ANKRD13C: variants seen among roughly 807,000 people sequenced by gnomAD.
ANKRD13C encodes the protein ankyrin repeat domain 13C.
In ANKRD13C, 16 loss-of-function variants were observed where a neutral mutation model predicts 65.5. The observed-to-expected ratio is 0.24, with a 90% CI of 0.17 to 0.37. The LOEUF is 0.37. Ranked by LOEUF, ANKRD13C falls within the 10% of genes least tolerant of loss-of-function variation. The pLI is 1.00. For missense variants in ANKRD13C, 503 were observed against 655.9 expected (o/e 0.77, Z 2.55); for synonymous variants, 235 against 238.7 (o/e 0.98, Z 0.14).
intron 7 of ANKRD13C, among the ~76,000 whole-genome samples, chr1:70,300,291 T>C (rs1487954656): frequency 1.3e-5 from 2 of 151,934 alleles, no homozygotes; most frequent in African/African-American, 4.8e-5. Flanking sequence ...GATAGAAATA[T>C]AAAAAATGAA....
intron 7 of ANKRD13C, 140 bp downstream of exon 7, chr1:70,300,624 T>C: frequency 1.5e-6 from 1 of 673,988 alleles, no homozygotes; most frequent in Non-Finnish European, 2.2e-6. Context: ...AGAAAGCTAG[T>C]GGTCAGGAAA....
intron 1 of ANKRD13C, among the ~76,000 whole-genome samples, chr1:70,350,553 G>A (rs1218943584): frequency 6.6e-6 from 1 of 152,146 alleles, no homozygotes; most frequent in Non-Finnish European, 1.5e-5. Context: ...AAGAGATCTG[G>A]GCTCCACAGA....
chr1:70,347,732 T>C (rs963517822), intron 1 of ANKRD13C, among the ~76,000 whole-genome samples: 3 of 152,112 alleles, frequency 2.0e-5, no homozygotes, highest in Admixed American at 2.0e-4. Flanking sequence ...GAGATGCACA[T>C]GGGGAAGAAA....
In ANKRD13C at chr1:70,259,772, T is replaced by C. The variant is rs181070333; in HGVS notation, c.*2945A>G. ...CTTTTCTCTAGCATGTTTGTAAATATGGGTAATATCAATGAGCAGAAGGAA... is the reference window on the plus strand; with the variant it reads ...CTTTTCTCTAGCATGTTTGTAAATACGGGTAATATCAATGAGCAGAAGGAA... On this transcript the variant is annotated 3_prime_UTR_variant, in exon 13 of 13. Transcript: ENST00000370944. Among the ~76,000 whole-genome samples, 18 of 152,296 alleles carry C rather than the reference T, an allele frequency of 1.2e-4. No homozygotes were observed. The highest frequency in any genetic ancestry group is 2.4e-4 in the Non-Finnish European group (16 of 68,006).
At chr1:70,330,854 T>C (rs916265517) in intron 2 of ANKRD13C, among the ~76,000 whole-genome samples, 2 of 152,152 alleles carry the variant, frequency 1.3e-5, no homozygotes, top group African/African-American at 4.8e-5. Context: ...TAAAGATTAG[T>C]TTTTCTATAT....
intron 1 of ANKRD13C, among the ~76,000 whole-genome samples, chr1:70,346,505 C>T (rs1429112554): frequency 1.3e-5 from 2 of 152,030 alleles, no homozygotes; most frequent in African/African-American, 4.8e-5. Flanking sequence ...CGACTTTGTG[C>T]ACCCCCTAAC....
chr1:70,325,022 T>G (rs1332076772), intron 2 of ANKRD13C, 65 bp from the exon 3 acceptor site: 10 of 1,101,346 alleles, frequency 9.1e-6, no homozygotes, highest in Non-Finnish European at 1.3e-5. Context: ...AATATAAATA[T>G]ATAAAAGTTT....
chr1:70,346,978 G>GCTACC (rs1238053359), intron 1 of ANKRD13C, among the ~76,000 whole-genome samples: 1 of 151,474 alleles, frequency 6.6e-6, no homozygotes, highest in Non-Finnish European at 1.5e-5. Flanking sequence ...TGTAGTCCCA[G>GCTACC]CTACTCGGGA....
chr1:70,271,099 C>T (rs185267092), intron 11 of ANKRD13C, 143 bp from the exon 12 acceptor site: 14 of 561,768 alleles, frequency 2.5e-5, no homozygotes, highest in East Asian at 1.2e-4. Context: ...TTTATTCCTC[C>T]TAACTTTTTA....
At chr1:70,290,105 G>A (rs1003628017) in intron 9 of ANKRD13C, among the ~76,000 whole-genome samples, 4 of 151,944 alleles carry the variant, frequency 2.6e-5, no homozygotes, top group African/African-American at 9.7e-5. Flanking sequence ...GCACAAATGA[G>A]ATGTGGCAGG....
intron 9 of ANKRD13C, among the ~76,000 whole-genome samples, chr1:70,282,486 A>G (rs1446874075): frequency 6.6e-6 from 1 of 152,188 alleles, no homozygotes; most frequent in African/African-American, 2.4e-5. Context: ...TTTTTACATG[A>G]GAGAAAAATA....
chr1:70,338,584 G>A (rs1429100958), intron 1 of ANKRD13C, among the ~76,000 whole-genome samples: 1 of 151,994 alleles, frequency 6.6e-6, no homozygotes, highest in Non-Finnish European at 1.5e-5. Flanking sequence ...ATTTTTAGTA[G>A]AGATGGGGTT....
At chr1:70,349,648 G>C (rs1235430918) in intron 1 of ANKRD13C, among the ~76,000 whole-genome samples, 5 of 152,076 alleles carry the variant, frequency 3.3e-5, no homozygotes, top group Non-Finnish European at 4.4e-5. Context: ...AACTGAAATA[G>C]CTTATGAACT....
intron 8 of ANKRD13C, among the ~76,000 whole-genome samples, chr1:70,294,868 G>A (rs975530642): frequency 2.0e-5 from 3 of 151,976 alleles, no homozygotes; most frequent in Non-Finnish European, 4.4e-5. Flanking sequence ...TAACTCAAGA[G>A]CACAATATCC....
chr1:70,334,591 T>G (rs1681937623), intron 2 of ANKRD13C, among the ~76,000 whole-genome samples: 1 of 151,972 alleles, frequency 6.6e-6, no homozygotes, highest in Non-Finnish European at 1.5e-5. Flanking sequence ...ATTGCATCAT[T>G]GCACTCCACC....
Position 70,354,563 on chromosome 1 carries a change from C to G in ANKRD13C, c.-155G>C. On this transcript the variant is annotated 5_prime_UTR_variant, in exon 1 of 13. Transcript: ENST00000370944. ...CCCGAGCCTGGGACAAACGCATCTC[C>G]CGGGGAAGAGCCGGCTCTCGCCTAG... 2.8e-6 allele frequency: 4 copies of G among 1,428,920 alleles called. No individual in the cohort carries two copies. Among genetic ancestry groups the G allele is most frequent in the Non-Finnish European group, 3.7e-6 (4 of 1,094,324 alleles). 88.5% of individuals were successfully genotyped at this position (1,428,920 alleles called of 1,614,324 possible).
chr1:70,344,329 A>G (rs1682438345), intron 1 of ANKRD13C, among the ~76,000 whole-genome samples: 1 of 146,296 alleles, frequency 6.8e-6, no homozygotes, highest in Non-Finnish European at 1.5e-5. Context: ...TGGGCATGGT[A>G]GTGTGGTATG....
At chr1:70,326,145 C>T (rs1270930170) in intron 2 of ANKRD13C, among the ~76,000 whole-genome samples, 2 of 140,286 alleles carry the variant, frequency 1.4e-5, no homozygotes, top group African/African-American at 5.3e-5. Context: ...GCAGGAGAAT[C>T]GCTTGAACCC....
intron 9 of ANKRD13C, among the ~76,000 whole-genome samples, chr1:70,281,087 T>A (rs1679366923): frequency 1.3e-5 from 2 of 151,872 alleles, no homozygotes; most frequent in African/African-American, 4.8e-5. Context: ...GAAGAAAGCA[T>A]TATCTGATTT....
Sources: gnomAD v4.1 joint callset for allele counts (sites outside exome capture counted in the v4.1 genomes callset) on GRCh38, gnomAD v4.1.1 for gene constraint, MANE v1.5 for transcripts, NCBI Gene and HGNC (gene_info 2026-07-23, HGNC 2026-07-21) for gene names.